NTM: variants seen among roughly 807,000 people sequenced by gnomAD.
The protein encoded by NTM is IgLON family member 2.
A neutral mutation model predicts 42.1 loss-of-function variants in NTM; 13 were observed. The ratio of observed to expected loss-of-function variants is 0.31; its 90% CI spans 0.20 to 0.49. NTM has a LOEUF of 0.49. NTM is among the 20% of genes least tolerant of loss of function. The pLI, the probability that NTM is intolerant of heterozygous loss-of-function variation, is 0.99. For missense variants in NTM, 373 were observed against 452.8 expected, an observed-to-expected ratio of 0.82 and a Z score of 1.60; for synonymous variants, 187 against 179.2, an observed-to-expected ratio of 1.04 and a Z score of -0.35.
In NTM at chr11:132,278,628, G is replaced by T. The variant is rs139489083; in HGVS notation, c.527-29061G>T. Among the ~76,000 whole-genome samples the T allele has an allele frequency of 3.3e-5, 5 of 152,272 alleles. No homozygotes were observed. The East Asian group carries it at 9.7e-4, about 29-fold the overall frequency. ...CTCAGTGGGAGGACTGTCAAAGTCA[G>T]TGTGGTATGGAGACACCATCCAGAG... On this transcript the variant is annotated intron_variant, in intron 4 of 8. Coordinates refer to ENST00000683400, the MANE Select transcript of NTM (RefSeq NM_001352005.2).
chr11:131,796,082 A>G, intron 1 of NTM: 1 of 985,420 alleles, frequency 1.0e-6, no homozygotes, highest in Non-Finnish European at 1.2e-6. Context: ...CGTAACTCAC[A>G]CTAGTTATTT....
chr11:131,952,399 A>G (rs1380294690), intron 2 of NTM, among the ~76,000 whole-genome samples: 2 of 152,244 alleles, frequency 1.3e-5, no homozygotes, highest in Non-Finnish European at 2.9e-5. Flanking sequence ...TTGTGTGTGC[A>G]CACATATATG....
intron 1 of NTM, among the ~76,000 whole-genome samples, chr11:131,619,244 C>A (rs1018803599): frequency 3.9e-5 from 6 of 152,182 alleles, no homozygotes. Context: ...CAAATGGAAA[C>A]CTGCCATGGT....
At chr11:132,205,298 TC>T (rs1243219592) in intron 3 of NTM, among the ~76,000 whole-genome samples, 1 of 152,226 alleles carries the variant, frequency 6.6e-6, no homozygotes, top group Non-Finnish European at 1.5e-5. Context: ...TCATAAAGCA[TC>T]CTGATTTGGA....
At chr11:132,151,324 C>T (rs770438882) in intron 3 of NTM, among the ~76,000 whole-genome samples, 3 of 152,178 alleles carry the variant, frequency 2.0e-5, no homozygotes, top group Non-Finnish European at 4.4e-5. Flanking sequence ...GTCTGTGTTT[C>T]TAAGAACCCA....
intron 1 of NTM, among the ~76,000 whole-genome samples, chr11:131,404,820 A>T (rs112448147): frequency 1.9e-3 from 284 of 152,304 alleles, no homozygotes; most frequent in Non-Finnish European, 3.4e-3. Flanking sequence ...TACATGTGTT[A>T]GGGTTAATTG....
intron 4 of NTM, among the ~76,000 whole-genome samples, chr11:132,307,150 TTGTC>T (rs1024947431): frequency 6.6e-6 from 1 of 152,314 alleles, no homozygotes; most frequent in East Asian, 1.9e-4. Context: ...ATCCAATTAA[TTGTC>T]TGAGTCAAAA....
intron 1 of NTM, among the ~76,000 whole-genome samples, chr11:131,650,359 G>T (rs1284286552): frequency 6.6e-6 from 1 of 152,160 alleles, no homozygotes; most frequent in Non-Finnish European, 1.5e-5. Context: ...AGGGGCCATT[G>T]CTTCTCCTAC....
At chr11:131,387,893 A>T (rs1489798436) in intron 1 of NTM, among the ~76,000 whole-genome samples, 2 of 152,228 alleles carry the variant, frequency 1.3e-5, no homozygotes, top group African/African-American at 4.8e-5. Context: ...CCCGGTTTCT[A>T]ATCTGCCCTG....
chr11:132,150,738 C>T (rs1261540013), intron 3 of NTM, among the ~76,000 whole-genome samples: 1 of 152,040 alleles, frequency 6.6e-6, no homozygotes, highest in Non-Finnish European at 1.5e-5. Flanking sequence ...GGAGAGTAGG[C>T]AGAGTTCGAG....
At chr11:131,566,572 C>T (rs963053290) in intron 1 of NTM, among the ~76,000 whole-genome samples, 3 of 152,164 alleles carry the variant, frequency 2.0e-5, no homozygotes, top group East Asian at 1.9e-4. Flanking sequence ...CTCTTTTCCC[C>T]GCCATTCTGT....
At chr11:131,480,228 G>T (rs1386304056) in intron 1 of NTM, among the ~76,000 whole-genome samples, 1 of 151,812 alleles carries the variant, frequency 6.6e-6, no homozygotes, top group Admixed American at 6.6e-5. Flanking sequence ...AAGAGAGAGG[G>T]TGATTTATCA....
chr11:132,109,875 T>C (rs7123696), intron 2 of NTM, among the ~76,000 whole-genome samples: 61,194 of 152,132 alleles, frequency 0.4, 13,033 homozygotes, highest in African/African-American at 0.54. Flanking sequence ...TTCCCACTTA[T>C]GAGTGAGGAC....
intron 1 of NTM, among the ~76,000 whole-genome samples, chr11:131,731,062 TTC>T (rs1292165288): frequency 1.3e-5 from 2 of 152,204 alleles, no homozygotes; most frequent in Middle Eastern, 3.2e-3. Flanking sequence ...TCGAATTGTT[TTC>T]TCTTATGATT....
At position 132,025,069 on chromosome 11, in the gene NTM, C is replaced by T. The variant is rs530888816; in HGVS notation, c.167+113421C>T. 6.0e-4 allele frequency among the ~76,000 whole-genome samples: 91 copies of T among 152,280 alleles called. 1 individual carries two copies. Among genetic ancestry groups the T allele is most frequent in the South Asian group, 2.9e-3 (14 of 4,814 alleles). On this transcript the variant is annotated intron_variant, in intron 2 of 8. Transcript: ENST00000683400. Reference sequence around the variant, plus strand: ...CTGAATTCCTTCCCTCGTGTGGCACCAGCACCTTGGAGTCATGGGATTCAG... The same window carrying T: ...CTGAATTCCTTCCCTCGTGTGGCACTAGCACCTTGGAGTCATGGGATTCAG...
chr11:132,057,369 A>G (rs1299169289), intron 2 of NTM, among the ~76,000 whole-genome samples: 1 of 152,116 alleles, frequency 6.6e-6, no homozygotes, highest in Admixed American at 6.6e-5. Flanking sequence ...GTAGTGCAAA[A>G]ACTTCTTCCC....
intron 1 of NTM, among the ~76,000 whole-genome samples, chr11:131,791,080 T>G (rs1029758031): frequency 1.3e-5 from 2 of 152,202 alleles, no homozygotes; most frequent in Non-Finnish European, 2.9e-5. Flanking sequence ...GCGGTGCCTA[T>G]GTGTACAAGT....
chr11:131,915,871 C>T (rs2056260265), intron 2 of NTM, among the ~76,000 whole-genome samples: 1 of 152,196 alleles, frequency 6.6e-6, no homozygotes. Context: ...TCAATTATCT[C>T]CCACTGGGTC....
chr11:132,040,445 CAGG>C (rs1384841421), intron 2 of NTM, among the ~76,000 whole-genome samples: 2 of 152,294 alleles, frequency 1.3e-5, no homozygotes, highest in Non-Finnish European at 2.9e-5. Flanking sequence ...TGACACATTT[CAGG>C]AGAAGAGCTT....
Sources: gnomAD v4.1 joint callset for allele counts (sites outside exome capture counted in the v4.1 genomes callset) on GRCh38, gnomAD v4.1.1 for gene constraint, MANE v1.5 for transcripts, NCBI Gene and HGNC (gene_info 2026-07-23, HGNC 2026-07-21) for gene names.